Variants in BANK1 observed in about 807,000 individuals in gnomAD.
BANK1 encodes B-cell scaffold protein with ankyrin repeats.
Under a neutral mutation model 94.5 loss-of-function variants are expected in BANK1, and 95 were observed. That is an observed-to-expected ratio of 1.00 (90% CI 0.85 to 1.19). BANK1 has a LOEUF of 1.19. Ranked by LOEUF, BANK1 falls within the 50% of genes most tolerant of loss-of-function variation. The pLI, the probability that BANK1 is intolerant of heterozygous loss-of-function variation, is 0.00. For missense variants in BANK1, 987 were observed against 932.2 expected (o/e 1.06, Z -0.77); for synonymous variants, 334 against 308.4 (o/e 1.08, Z -0.87).
At chr4:101,961,103 T>C (rs779059895) in intron 7 of BANK1, among the ~76,000 whole-genome samples, 4 of 152,154 alleles carry the variant, frequency 2.6e-5, no homozygotes, top group South Asian at 2.1e-4. Context: ...TAGGATTACA[T>C]GGAAAAACAT....
intron 7 of BANK1, among the ~76,000 whole-genome samples, chr4:102,001,082 C>T (rs1361053322): frequency 6.6e-6 from 1 of 152,136 alleles, no homozygotes; most frequent in Non-Finnish European, 1.5e-5. Flanking sequence ...CCATGAAGAA[C>T]ACTAAAAATA....
chr4:102,020,180 A>G (rs1004117251), intron 7 of BANK1, among the ~76,000 whole-genome samples: 4 of 152,150 alleles, frequency 2.6e-5, no homozygotes, highest in African/African-American at 9.7e-5. Context: ...AAATTAGTAA[A>G]AAAAAATCCT....
intron 7 of BANK1, among the ~76,000 whole-genome samples, chr4:101,942,635 C>T (rs527861816): frequency 1.3e-5 from 2 of 151,874 alleles, no homozygotes; most frequent in East Asian, 1.9e-4. Context: ...GAAGAATTTA[C>T]AATTCTCTTA....
At chr4:101,877,545 G>A (rs1728535503) in intron 5 of BANK1, among the ~76,000 whole-genome samples, 1 of 152,064 alleles carries the variant, frequency 6.6e-6, no homozygotes, top group Non-Finnish European at 1.5e-5. Context: ...ATGAACTTAA[G>A]GTGTAGATCC....
chr4:101,990,339 T>G (rs760472390), intron 7 of BANK1, among the ~76,000 whole-genome samples: 3 of 152,216 alleles, frequency 2.0e-5, no homozygotes, highest in African/African-American at 7.2e-5. Context: ...AATTTTTGTT[T>G]TGATGTCCCT....
intron 11 of BANK1, among the ~76,000 whole-genome samples, chr4:102,045,491 G>A (rs189565371): frequency 1.1e-3 from 160 of 152,232 alleles, no homozygotes; most frequent in Middle Eastern, 0.01. Flanking sequence ...GGAAAAAGAG[G>A]AAGTCAAATT....
chr4:101,870,182 A>C, intron 4 of BANK1, among the ~76,000 whole-genome samples: 1 of 152,054 alleles, frequency 6.6e-6, no homozygotes, highest in East Asian at 1.9e-4. Flanking sequence ...TCCAAATTCT[A>C]AAGAATTATG....
chr4:101,945,078 C>A (rs1723885170), intron 7 of BANK1, among the ~76,000 whole-genome samples: 1 of 151,956 alleles, frequency 6.6e-6, no homozygotes, highest in South Asian at 2.1e-4. Context: ...CTTTATTATA[C>A]CTCTCCTCTA....
intron 6 of BANK1, among the ~76,000 whole-genome samples, chr4:101,906,936 G>A (rs753608522): frequency 2.0e-5 from 3 of 152,212 alleles, no homozygotes; most frequent in Admixed American, 6.5e-5. Flanking sequence ...ATATACAGGT[G>A]TGAAGTGGGA....
intron 7 of BANK1, among the ~76,000 whole-genome samples, chr4:101,989,707 T>C (rs996216295): frequency 6.6e-6 from 1 of 151,988 alleles, no homozygotes; most frequent in African/African-American, 2.4e-5. Flanking sequence ...ATAGACAGCC[T>C]CTCCATTTGG....
intron 7 of BANK1, among the ~76,000 whole-genome samples, chr4:102,007,021 G>T (rs1406821539): frequency 1.5e-5 from 2 of 132,558 alleles, no homozygotes; most frequent in Non-Finnish European, 3.2e-5. Flanking sequence ...GTCAGAAAAA[G>T]AATACTATCT....
chr4:101,912,226 C>A (rs1307228159), intron 6 of BANK1, among the ~76,000 whole-genome samples: 1 of 152,144 alleles, frequency 6.6e-6, no homozygotes, highest in African/African-American at 2.4e-5. Flanking sequence ...GTATACCACA[C>A]TCTATTATTA....
At chr4:101,791,688 C>G (rs998359010) in intron 1 of BANK1, among the ~76,000 whole-genome samples, 2 of 152,094 alleles carry the variant, frequency 1.3e-5, no homozygotes, top group African/African-American at 4.8e-5. Context: ...GTGAGAAATG[C>G]AACAAGAAAG....
chr4:102,042,043 G>T (rs1479721111), intron 10 of BANK1, among the ~76,000 whole-genome samples: 2 of 151,934 alleles, frequency 1.3e-5, no homozygotes, highest in Non-Finnish European at 2.9e-5. Flanking sequence ...TATCTGAATA[G>T]ATCTTTGGAT....
At chr4:101,990,152 G>A (rs1725653501) in intron 7 of BANK1, among the ~76,000 whole-genome samples, 1 of 152,108 alleles carries the variant, frequency 6.6e-6, no homozygotes, top group Non-Finnish European at 1.5e-5. Flanking sequence ...GAGAATATTG[G>A]CATATAATCA....
At chr4:102,014,137 G>A (rs910886491) in intron 7 of BANK1, among the ~76,000 whole-genome samples, 12 of 151,964 alleles carry the variant, frequency 7.9e-5, no homozygotes, top group Admixed American at 3.3e-4. Context: ...ATGTTTAAAT[G>A]GGATATTTAA....
At chr4:101,836,785 A>C (rs1726846400) in intron 2 of BANK1, among the ~76,000 whole-genome samples, 1 of 152,194 alleles carries the variant, frequency 6.6e-6, no homozygotes, top group Non-Finnish European at 1.5e-5. Flanking sequence ...TGTACTCTTC[A>C]ACAGTATTAA....
intron 11 of BANK1, among the ~76,000 whole-genome samples, chr4:102,054,957 A>G (rs1007479734): frequency 9.2e-5 from 14 of 152,064 alleles, no homozygotes; most frequent in African/African-American, 7.2e-5. Flanking sequence ...CTTTTTTTCA[A>G]TTTAAATAGT....
At chr4:101,882,838 C>T (rs769633171) in intron 5 of BANK1, among the ~76,000 whole-genome samples, 6 of 150,698 alleles carry the variant, frequency 4.0e-5, no homozygotes, top group Non-Finnish European at 5.9e-5. Context: ...TGTGGGCACT[C>T]TGTGTATGCT....
Sources: gnomAD v4.1 joint callset for allele counts (sites outside exome capture counted in the v4.1 genomes callset) on GRCh38, gnomAD v4.1.1 for gene constraint, MANE v1.5 for transcripts, NCBI Gene and HGNC (gene_info 2026-07-23, HGNC 2026-07-21) for gene names.